The following HACD2 variants were observed in gnomAD, a reference collection of about 807,000 sequenced individuals.
HACD2 encodes very-long-chain (3R)-3-hydroxyacyl-CoA dehydratase 2.
Under a neutral mutation model 31.0 loss-of-function variants are expected in HACD2, and 15 were observed. That is an observed-to-expected ratio of 0.48 (90% CI 0.32 to 0.75). HACD2 has a LOEUF of 0.75. Among genes scored for constraint, HACD2 ranks in the 30% least tolerant of loss-of-function variants. The pLI is 0.03. For missense variants in HACD2, 283 were observed against 313.0 expected (o/e 0.90, Z 0.72); for synonymous variants, 115 against 122.2 (o/e 0.94, Z 0.39).
At chr3:123,530,260 T>A (rs895466978) in intron 3 of HACD2, among the ~76,000 whole-genome samples, 4 of 151,922 alleles carry the variant, frequency 2.6e-5, no homozygotes, top group Admixed American at 6.6e-5. Flanking sequence ...TTTCTTTTTT[T>A]AAAAAAAAGA....
rs371373584 is a variant in HACD2 at position 123,563,112 on chromosome 3, C to G, written c.292+4650G>C. Among the ~76,000 whole-genome samples, 4 of 152,208 alleles carry G rather than the reference C, an allele frequency of 2.6e-5. No individual in the cohort carries two copies. In the South Asian group the frequency reaches 8.3e-4, roughly 31 times the overall value. On this transcript the variant is annotated intron_variant, in intron 3 of 6. Transcript: ENST00000383657. Reference sequence around the variant, plus strand: ...ACTGTACTTACCAGGATACAGAGATCAATAAGAAATAGCTCTTGCTCTAAA... The same window carrying G: ...ACTGTACTTACCAGGATACAGAGATGAATAAGAAATAGCTCTTGCTCTAAA...
intron 2 of HACD2, among the ~76,000 whole-genome samples, chr3:123,579,824 G>A (rs114385947): frequency 6.6e-6 from 1 of 152,102 alleles, no homozygotes; most frequent in Non-Finnish European, 1.5e-5. Flanking sequence ...AAAAGTTCAA[G>A]CCTCTAAGTT....
chr3:123,542,238 A>G (rs2056502509), intron 3 of HACD2, among the ~76,000 whole-genome samples: 1 of 151,988 alleles, frequency 6.6e-6, no homozygotes, highest in Non-Finnish European at 1.5e-5. Context: ...AAGGGCATAA[A>G]TAGACAATTC....
chr3:123,582,095 C>CA, intron 2 of HACD2, 117 bp downstream of exon 2: 2 of 574,238 alleles, frequency 3.5e-6, no homozygotes, highest in East Asian at 6.7e-5. Context: ...TGTGAGGAGG[C>CA]AAAATTTCAA....
At chr3:123,569,140 A>G (rs774572956) in intron 2 of HACD2, among the ~76,000 whole-genome samples, 5 of 152,170 alleles carry the variant, frequency 3.3e-5, no homozygotes, top group African/African-American at 9.7e-5. Flanking sequence ...AAGCTGCACA[A>G]TGTTGCTGGT....
In HACD2 at chr3:123,492,063, T is replaced by C. The variant is rs2055770403; in HGVS notation, c.*2825A>G. On this transcript the variant is annotated 3_prime_UTR_variant, in exon 7 of 7. Transcript: ENST00000383657. ...TCAGAAGTCTGCTCTGGAGACTTTTTTCATCTGCAAGGACAGTGCTTTATT... is the reference window on the plus strand; with the variant it reads ...TCAGAAGTCTGCTCTGGAGACTTTTCTCATCTGCAAGGACAGTGCTTTATT... 6.6e-6 allele frequency: 1 copy of C among 152,210 alleles called. No individual in the cohort carries two copies. The highest frequency in any genetic ancestry group is 1.5e-5 in the Non-Finnish European group (1 of 68,040). 9.4% of individuals were successfully genotyped at this position (152,210 alleles called of 1,614,324 possible).
intron 2 of HACD2, 114 bp from the exon 3 acceptor site, chr3:123,567,894 T>A: frequency 1.8e-6 from 1 of 548,762 alleles, no homozygotes; most frequent in Non-Finnish European, 3.0e-6. Context: ...CCAGCAGTAT[T>A]AAATATGAAA....
intron 3 of HACD2, among the ~76,000 whole-genome samples, chr3:123,529,004 AC>A (rs1274260597): frequency 2.0e-5 from 1 of 50,712 alleles, no homozygotes; most frequent in Non-Finnish European, 6.3e-5. Context: ...TATCTTTAAA[AC>A]CTTTTTTTTT....
chr3:123,532,895 G>A (rs995125793), intron 3 of HACD2, among the ~76,000 whole-genome samples: 2 of 149,110 alleles, frequency 1.3e-5, no homozygotes, highest in South Asian at 2.1e-4. Flanking sequence ...CTTATTTGCC[G>A]TAGGAATGGT....
intron 1 of HACD2, chr3:123,584,589 CT>C (rs2057004667): frequency 3.4e-6 from 1 of 289,954 alleles, no homozygotes; most frequent in Non-Finnish European, 6.3e-6. Context: ...CCAGCCCCAC[CT>C]TTCCTCCCGC....
intron 3 of HACD2, among the ~76,000 whole-genome samples, chr3:123,552,205 G>A (rs1328402331): frequency 6.6e-6 from 1 of 152,132 alleles, no homozygotes; most frequent in African/African-American, 2.4e-5. Context: ...TAACCACAGG[G>A]AAGAGACAGA....
chr3:123,567,828 T>C (rs755818583), intron 2 of HACD2, 48 bp from the exon 3 acceptor site: 6 of 1,286,214 alleles, frequency 4.7e-6, no homozygotes, highest in Non-Finnish European at 6.4e-6. Flanking sequence ...AGAATCAAGA[T>C]ATTAAAGTTT....
chr3:123,520,049 G>A (rs970512168), intron 4 of HACD2, among the ~76,000 whole-genome samples: 2 of 152,134 alleles, frequency 1.3e-5, no homozygotes, highest in Non-Finnish European at 2.9e-5. Flanking sequence ...AAACTTATCA[G>A]GTGAATCCAT....
At chr3:123,579,976 T>C (rs541397597) in intron 2 of HACD2, among the ~76,000 whole-genome samples, 42 of 152,236 alleles carry the variant, frequency 2.8e-4, no homozygotes, top group Middle Eastern at 6.8e-3. Context: ...TGCCCAAATC[T>C]ATAGAGTCAG....
Position 123,585,004 on chromosome 3 carries a change from T to C in HACD2, c.24A>G (p.Ala8=). The change falls in exon 1 of 7, where the codon GCA becomes GCG. Residue 8 remains alanine, a synonymous_variant. Coordinates refer to ENST00000383657, the MANE Select transcript of HACD2 (RefSeq NM_198402.5). ...CGCCGCCCCCATTCCCCTTCGCTGC[T>C]GCAGTCGCCGCCACTGCCGCCATGT... MAAVAAT[A]AAKGNGGGGG... 1 of 1,508,098 alleles carries C rather than the reference T, an allele frequency of 6.6e-7. No individual in the cohort carries two copies. The highest frequency in any genetic ancestry group is 1.4e-5 in the African/African-American group (1 of 69,348). The allele number at this position is 1,508,098 out of a possible 1,614,324, so 93.4% of individuals were successfully genotyped here.
At chr3:123,548,146 T>A (rs927061393) in intron 3 of HACD2, among the ~76,000 whole-genome samples, 1 of 152,094 alleles carries the variant, frequency 6.6e-6, no homozygotes, top group Non-Finnish European at 1.5e-5. Context: ...AGGCAGAGCC[T>A]AATTCTCTGC....
intron 3 of HACD2, among the ~76,000 whole-genome samples, chr3:123,559,044 G>C (rs1012630074): frequency 1.3e-5 from 2 of 152,208 alleles, no homozygotes; most frequent in African/African-American, 4.8e-5. Context: ...GGGCAATGTA[G>C]ACAGCTCCAG....
chr3:123,531,388 T>C (rs2056358404), intron 3 of HACD2, among the ~76,000 whole-genome samples: 1 of 151,970 alleles, frequency 6.6e-6, no homozygotes, highest in Admixed American at 6.5e-5. Flanking sequence ...GGCACAATCT[T>C]GGCTCACTGC....
At chr3:123,541,783 A>T (rs2056493460) in intron 3 of HACD2, among the ~76,000 whole-genome samples, 1 of 152,338 alleles carries the variant, frequency 6.6e-6, no homozygotes, top group South Asian at 2.1e-4. Flanking sequence ...TGGTCTTTAT[A>T]TAACTAGGAC....
Sources: allele counts gnomAD v4.1 joint callset (sites outside exome capture counted in the v4.1 genomes callset), GRCh38; gene constraint gnomAD v4.1.1; transcripts MANE v1.5; gene names NCBI Gene and HGNC (gene_info 2026-07-23, HGNC 2026-07-21).